The following THSD4 variants were observed in gnomAD, a reference collection of about 807,000 sequenced individuals.
THSD4 encodes the protein thrombospondin type-1 domain-containing protein 4.
A neutral mutation model predicts 119.0 loss-of-function variants in THSD4; 69 were observed. That is an observed-to-expected ratio of 0.58 (90% CI 0.48 to 0.71). The LOEUF (loss-of-function observed/expected upper bound fraction) is 0.71. Ranked by LOEUF, THSD4 falls within the 30% of genes least tolerant of loss-of-function variation. The pLI is 0.00. For missense variants in THSD4, 1,393 were observed against 1,391.1 expected (o/e 1.00, Z -0.02); for synonymous variants, 524 against 540.4 (o/e 0.97, Z 0.42).
At chr15:71,706,781 A>G (rs894518373) in intron 8 of THSD4, among the ~76,000 whole-genome samples, 2 of 152,236 alleles carry the variant, frequency 1.3e-5, no homozygotes, top group African/African-American at 4.8e-5. Context: ...AACATCTCGC[A>G]TGACCTTTGC....
rs74864835 is a variant in THSD4 at position 71,762,662 on chromosome 15, C to T, written c.2590-2358C>T. 7.3e-3 allele frequency among the ~76,000 whole-genome samples: 1,107 copies of T among 152,302 alleles called. 11 individuals carry two copies. Among genetic ancestry groups the T allele is most frequent in the African/African-American group, 0.025 (1,046 of 41,554 alleles). ...GCTGCAGCTTGTGGCTCTTCTCCTG[C>T]CTTCAGTTCTTCCATTGCCTGCAGC... On this transcript the variant is annotated intron_variant, in intron 15 of 17. Coordinates refer to ENST00000261862, the MANE Select transcript of THSD4 (RefSeq NM_024817.3).
At chr15:71,747,464 G>A (rs541890340) in intron 13 of THSD4, among the ~76,000 whole-genome samples, 5 of 152,330 alleles carry the variant, frequency 3.3e-5, no homozygotes, top group Admixed American at 3.3e-4. Flanking sequence ...AAGATTTATT[G>A]GAAGCCAATG....
chr15:71,285,679 C>A (rs1052579468), intron 6 of THSD4, among the ~76,000 whole-genome samples: 1 of 151,936 alleles, frequency 6.6e-6, no homozygotes, highest in South Asian at 2.1e-4. Flanking sequence ...TATGGTAAAA[C>A]CCTGTCTCTA....
At chr15:71,550,346 G>A (rs2048908078) in intron 7 of THSD4, among the ~76,000 whole-genome samples, 1 of 152,272 alleles carries the variant, frequency 6.6e-6, no homozygotes, top group East Asian at 1.9e-4. Flanking sequence ...TTATATGTAG[G>A]GACAGGGAGG....
chr15:71,419,437 G>A lies in THSD4; in HGVS notation c.1152+7614G>A, dbSNP rs559112896. On this transcript the variant is annotated intron_variant, in intron 7 of 17. Coordinates refer to ENST00000261862, the MANE Select transcript of THSD4 (RefSeq NM_024817.3). ...GCTGGTCTTGAACTCCTAGGCTCAA[G>A]CACTTCTCCTGCCTTGGCCTCCCAA... Among the ~76,000 whole-genome samples the A allele has an allele frequency of 1.9e-5, 2 of 107,878 alleles. 1 individual carries two copies. The highest frequency in any genetic ancestry group is 5.8e-4 in the South Asian group (2 of 3,436). 70.8% of individuals were successfully genotyped at this position (107,878 alleles called of 152,430 possible).
chr15:71,489,600 A>T (rs781118914), intron 7 of THSD4, among the ~76,000 whole-genome samples: 2 of 151,216 alleles, frequency 1.3e-5, no homozygotes, highest in Non-Finnish European at 2.9e-5. Flanking sequence ...ACTCTCCCCT[A>T]CTCCGCTTCT....
At chr15:71,487,587 T>G (rs1850720857) in intron 7 of THSD4, among the ~76,000 whole-genome samples, 1 of 152,200 alleles carries the variant, frequency 6.6e-6, no homozygotes, top group Non-Finnish European at 1.5e-5. Flanking sequence ...TGTTTGCAGT[T>G]CCCCTTATGG....
chr15:71,290,113 G>C (rs2044770317), intron 6 of THSD4, among the ~76,000 whole-genome samples: 1 of 152,136 alleles, frequency 6.6e-6, no homozygotes, highest in Admixed American at 6.5e-5. Context: ...TGGAAGTTTT[G>C]CTTGGGATCC....
intron 7 of THSD4, among the ~76,000 whole-genome samples, chr15:71,452,952 G>A (rs990898820): frequency 6.6e-6 from 1 of 152,110 alleles, no homozygotes; most frequent in African/African-American, 2.4e-5. Context: ...ATGAGGATAG[G>A]GCCCCTGTGA....
At chr15:71,238,184 T>C (rs113174579) in intron 4 of THSD4, among the ~76,000 whole-genome samples, 2,046 of 152,282 alleles carry the variant, frequency 0.013, 12 homozygotes, top group Middle Eastern at 0.02. Context: ...AAAGGTTTGT[T>C]AAATATTGTT....
chr15:71,525,129 C>T (rs889017698), intron 7 of THSD4, among the ~76,000 whole-genome samples: 24 of 152,078 alleles, frequency 1.6e-4, no homozygotes, highest in Non-Finnish European at 1.6e-4. Context: ...CTAATATTTA[C>T]TGAGCACTTA....
chr15:71,618,066 A>T (rs1393127576), intron 7 of THSD4, among the ~76,000 whole-genome samples: 1 of 152,226 alleles, frequency 6.6e-6, no homozygotes, highest in Non-Finnish European at 1.5e-5. Flanking sequence ...AAGCTTGGAA[A>T]CACTTTCAGT....
At chr15:71,724,290 T>TTTC (rs2052790852) in intron 8 of THSD4, among the ~76,000 whole-genome samples, 1 of 83,936 alleles carries the variant, frequency 1.2e-5, no homozygotes, top group Non-Finnish European at 3.0e-5. Context: ...TATATATATT[T>TTTC]TTTTTTTCCC....
At chr15:71,329,612 A>G (rs1253518735) in intron 6 of THSD4, among the ~76,000 whole-genome samples, 1 of 152,204 alleles carries the variant, frequency 6.6e-6, no homozygotes, top group Non-Finnish European at 1.5e-5. Context: ...CTCAGGCAGT[A>G]TGCTGGACAT....
intron 6 of THSD4, among the ~76,000 whole-genome samples, chr15:71,405,180 T>C (rs1596406486): frequency 6.6e-6 from 1 of 152,352 alleles, no homozygotes; most frequent in African/African-American, 2.4e-5. Flanking sequence ...TGAGCCACCA[T>C]GCCCAGCCTT....
intron 6 of THSD4, among the ~76,000 whole-genome samples, chr15:71,337,261 G>GT (rs1436647799): frequency 6.6e-6 from 1 of 152,148 alleles, no homozygotes; most frequent in Admixed American, 6.5e-5. Flanking sequence ...GTCTAGAGTG[G>GT]CCCCACCTGG....
chr15:71,314,260 G>A (rs1234144339), intron 6 of THSD4, among the ~76,000 whole-genome samples: 1 of 151,616 alleles, frequency 6.6e-6, no homozygotes, highest in Non-Finnish European at 1.5e-5. Flanking sequence ...ACTTAGCCTG[G>A]TAATATTAAT....
At chr15:71,284,826 A>T (rs547092770) in intron 6 of THSD4, among the ~76,000 whole-genome samples, 1 of 152,284 alleles carries the variant, frequency 6.6e-6, no homozygotes, top group African/African-American at 2.4e-5. Flanking sequence ...TTGTTTTCTC[A>T]TTAAAAAAAA....
At position 71,242,768 on chromosome 15, in the gene THSD4, C is replaced by T. The variant is rs1447052214; in HGVS notation, c.584C>T (p.Ser195Leu). The change falls in exon 5 of 18, where the codon TCA becomes TTA. Residue 195 changes from serine to leucine, a missense_variant. Transcript: ENST00000261862. Reference sequence around the variant, plus strand: ...CAGAGGCTCCGGAGACAGAAGCTCTCATCCCGCCATTCCAGGTCCCAGGGA... The same window carrying T: ...CAGAGGCTCCGGAGACAGAAGCTCTTATCCCGCCATTCCAGGTCCCAGGGA... ...TPQRLRRQKL[S>L]SRHSRSQGAS... 1 of 1,614,186 alleles carries T rather than the reference C, an allele frequency of 6.2e-7. No individual in the cohort carries two copies. Among genetic ancestry groups the T allele is most frequent in the Admixed American group, 1.7e-5 (1 of 60,026 alleles).
Sources: gnomAD v4.1 joint callset for allele counts (sites outside exome capture counted in the v4.1 genomes callset) on GRCh38, gnomAD v4.1.1 for gene constraint, MANE v1.5 for transcripts, NCBI Gene and HGNC (gene_info 2026-07-23, HGNC 2026-07-21) for gene names.